TTC17: variants seen among roughly 807,000 people sequenced by gnomAD.
TTC17 encodes the protein tetratricopeptide repeat protein 17.
TTC17 carries 58 observed loss-of-function variants against 143.8 expected under a neutral mutation model. The observed-to-expected ratio is 0.40, with a 90% CI of 0.33 to 0.50. TTC17 has a LOEUF of 0.50. TTC17 is among the 20% of genes least tolerant of loss of function. The pLI is 0.49. For missense variants in TTC17, 1,273 were observed against 1,392.5 expected, an observed-to-expected ratio of 0.91 and a Z score of 1.37; for synonymous variants, 501 against 497.8, an observed-to-expected ratio of 1.01 and a Z score of -0.09.
At chr11:43,398,497 C>G (rs1046075121) in intron 8 of TTC17, among the ~76,000 whole-genome samples, 1 of 152,156 alleles carries the variant, frequency 6.6e-6, no homozygotes, top group Non-Finnish European at 1.5e-5. Flanking sequence ...AAATCACTTA[C>G]ATGTGCAATA....
At chr11:43,446,602 A>T (rs1278101705) in intron 18 of TTC17, 1 of 909,408 alleles carries the variant, frequency 1.1e-6, no homozygotes, top group East Asian at 1.2e-4. Context: ...TTAATTTGAA[A>T]CTCTTCCAAA....
Position 43,414,618 on chromosome 11 carries a change from C to T in TTC17, c.2093C>T (p.Ala698Val). 6.2e-7 allele frequency: 1 copy of T among 1,609,792 alleles called. No homozygotes were observed. The highest frequency in any genetic ancestry group is 8.5e-7 in the Non-Finnish European group (1 of 1,178,324). Residue 698 changes from alanine (A) to valine (V), a missense_variant, in exon 16 of 24, where the codon GCT (alanine) becomes GTT (valine). By Grantham distance (64) the Ala-to-Val change is moderately conservative (BLOSUM62 0). This residue lies in a region of TTC17 where 878 missense variants were observed against 899.8 expected (regional missense o/e 0.98). Transcript: ENST00000039989. ...EPLTFLSLGNAYLALKNISGA... is the reference protein window; with the variant it reads ...EPLTFLSLGNVYLALKNISGA... The stretch of plus-strand genomic sequence containing the variant: ...CTGACCTTTTTGAGCCTGGGAAATG[C>T]TTACCTTGCTCTGAAGAATATCAGT...
At chr11:43,460,450 C>T (rs530605844) in intron 21 of TTC17, among the ~76,000 whole-genome samples, 6 of 152,202 alleles carry the variant, frequency 3.9e-5, no homozygotes, top group East Asian at 1.9e-4. Flanking sequence ...TTCCAGCCTC[C>T]GTTAGTAGTC....
intron 20 of TTC17, among the ~76,000 whole-genome samples, chr11:43,450,457 A>G (rs1947636287): frequency 6.6e-6 from 1 of 152,188 alleles, no homozygotes; most frequent in Non-Finnish European, 1.5e-5. Context: ...TGGAATTTTA[A>G]TTCTGATTTA....
chr11:43,370,064 C>T (rs1433683563), intron 1 of TTC17: 3 of 455,460 alleles, frequency 6.6e-6, no homozygotes, highest in Non-Finnish European at 1.3e-5. Context: ...TTATATTACA[C>T]ATTTGTTTTG....
intron 21 of TTC17, among the ~76,000 whole-genome samples, chr11:43,486,998 A>G (rs913524280): frequency 2.0e-5 from 3 of 152,174 alleles, no homozygotes; most frequent in Non-Finnish European, 2.9e-5. Context: ...ACAGTGAGCT[A>G]TGATCACACC....
At chr11:43,456,489 T>C (rs1483693020) in intron 21 of TTC17, among the ~76,000 whole-genome samples, 1 of 152,148 alleles carries the variant, frequency 6.6e-6, no homozygotes, top group Non-Finnish European at 1.5e-5. Flanking sequence ...ATATTCCAGT[T>C]AGGATGTAGT....
chr11:43,404,965 AAG>A, intron 11 of TTC17, among the ~76,000 whole-genome samples: 1 of 152,188 alleles, frequency 6.6e-6, no homozygotes. Context: ...TACAAGTCAT[AAG>A]CTCCACCTCA....
intron 21 of TTC17, among the ~76,000 whole-genome samples, chr11:43,470,701 A>T (rs1197333177): frequency 6.6e-6 from 1 of 152,200 alleles, no homozygotes; most frequent in East Asian, 1.9e-4. Context: ...TAGGGTAGAT[A>T]GGAATTACCT....
intron 21 of TTC17, among the ~76,000 whole-genome samples, chr11:43,477,524 C>A (rs1405859744): frequency 6.6e-6 from 1 of 152,214 alleles, no homozygotes; most frequent in Non-Finnish European, 1.5e-5. Context: ...AAAGATACTT[C>A]TTACATGGTG....
chr11:43,436,578 A>G (rs935809179), intron 16 of TTC17, among the ~76,000 whole-genome samples: 4 of 152,148 alleles, frequency 2.6e-5, no homozygotes, highest in Non-Finnish European at 5.9e-5. Context: ...TCTTAATGTT[A>G]CTGGTATATT....
chr11:43,387,212 G>A (rs1857202627), intron 2 of TTC17, among the ~76,000 whole-genome samples: 2 of 152,052 alleles, frequency 1.3e-5, no homozygotes, highest in South Asian at 4.1e-4. Context: ...TATTCTATTG[G>A]TTGATATAGT....
rs576103696 is a variant in TTC17, at chr11:43,444,145, T to C, written c.2601T>C (p.Asn867=). Residue 867 remains asparagine, a synonymous_variant, in exon 18 of 24, where the codon AAT becomes AAC. Coordinates refer to ENST00000039989, the MANE Select transcript of TTC17 (RefSeq NM_018259.6). ...GKKVETGQIE[N]GHRYQANLEI... The stretch of plus-strand genomic sequence containing the variant: ...AAGTAGAAACAGGTCAGATAGAAAA[T>C]GGACATCGTTACCAAGCAAACCTAG... 2.4e-5 allele frequency: 38 copies of C among 1,613,228 alleles called. No homozygotes were observed. In the East Asian group the frequency reaches 7.4e-4, roughly 31 times the overall value.
intron 1 of TTC17, among the ~76,000 whole-genome samples, chr11:43,377,934 C>T (rs531716927): frequency 2.8e-4 from 42 of 152,004 alleles, no homozygotes; most frequent in African/African-American, 1.0e-3. Context: ...GACAGAGTCT[C>T]GCTCTGTTGT....
At chr11:43,457,945 G>A (rs1455335896) in intron 21 of TTC17, among the ~76,000 whole-genome samples, 1 of 152,076 alleles carries the variant, frequency 6.6e-6, no homozygotes, top group Non-Finnish European at 1.5e-5. Context: ...GTAGCCTACA[G>A]ATTCTAGAAG....
chr11:43,383,264 TA>T (rs1379988914), intron 2 of TTC17, among the ~76,000 whole-genome samples: 1 of 152,092 alleles, frequency 6.6e-6, no homozygotes, highest in East Asian at 1.9e-4. Context: ...TCCAGTAGAT[TA>T]AAAGAGATGT....
At chr11:43,427,148 ATACT>A (rs1947048024) in intron 16 of TTC17, among the ~76,000 whole-genome samples, 1 of 151,558 alleles carries the variant, frequency 6.6e-6, no homozygotes, top group Non-Finnish European at 1.5e-5. Context: ...CCTAAATATC[ATACT>A]TACTACGTAA....
intron 21 of TTC17, among the ~76,000 whole-genome samples, chr11:43,460,795 G>T (rs1046406403): frequency 2.0e-5 from 3 of 152,158 alleles, no homozygotes; most frequent in African/African-American, 7.2e-5. Context: ...TGGCACAGCT[G>T]CAGTTCCCTC....
At chr11:43,406,690 A>G (rs942252872) in intron 13 of TTC17, among the ~76,000 whole-genome samples, 9 of 152,200 alleles carry the variant, frequency 5.9e-5, no homozygotes, top group Non-Finnish European at 1.0e-4. Flanking sequence ...ATACAAAAAG[A>G]TAAACAGACC....
Sources: allele counts gnomAD v4.1 joint callset (sites outside exome capture counted in the v4.1 genomes callset), GRCh38; gene constraint gnomAD v4.1.1; regional missense constraint gnomAD v4.1.1; transcripts MANE v1.5; gene names NCBI Gene and HGNC (gene_info 2026-07-23, HGNC 2026-07-21).